MUSK: variants seen among roughly 807,000 people sequenced by gnomAD.
MUSK encodes muscle, skeletal receptor tyrosine-protein kinase.
In MUSK, 55 loss-of-function variants were observed where a neutral mutation model predicts 88.7. The ratio of observed to expected loss-of-function variants is 0.62; its 90% CI spans 0.50 to 0.78. The LOEUF (loss-of-function observed/expected upper bound fraction) is 0.78. Ranked by LOEUF, MUSK falls within the 30% of genes least tolerant of loss-of-function variation. The probability of loss-of-function intolerance (pLI) is 0.00; values close to 1 mark genes in which losing one functional copy is unlikely to be tolerated. For missense variants in MUSK, 1,015 were observed against 1,074.3 expected (o/e 0.94, Z 0.77); for synonymous variants, 387 against 391.9 (o/e 0.99, Z 0.15).
In MUSK at chr9:110,690,476, A is replaced by G. The variant is rs1411625606; in HGVS notation, c.358+3208A>G. Among the ~76,000 whole-genome samples, 651 of 92,844 alleles carry G rather than the reference A, an allele frequency of 7.0e-3. 41 individuals carry two copies. Among genetic ancestry groups the G allele is most frequent in the East Asian group, 0.025 (78 of 3,104 alleles). 60.9% of individuals were successfully genotyped at this position (92,844 alleles called of 152,430 possible). ...AATATATATTTAAATATAAGTATAT[A>G]TATAAATATATATTTAAATATAAGT... On this transcript the variant is annotated intron_variant, in intron 3 of 14. Coordinates refer to ENST00000374448, the MANE Select transcript of MUSK (RefSeq NM_005592.4).
At chr9:110,680,860 G>C (rs555388021) in intron 1 of MUSK, among the ~76,000 whole-genome samples, 1 of 142,244 alleles carries the variant, frequency 7.0e-6, no homozygotes, top group African/African-American at 2.6e-5. Context: ...ATTAGTGCCT[G>C]TCACTGTATA....
At chr9:110,741,230 A>C (rs185930806) in intron 6 of MUSK, among the ~76,000 whole-genome samples, 45 of 152,264 alleles carry the variant, frequency 3.0e-4, no homozygotes, top group African/African-American at 1.0e-3. Context: ...ATCTCAAAAC[A>C]TCACCTTGTT....
Position 110,800,746 on chromosome 9 carries a change from G to A in MUSK, c.2368G>A (p.Val790Met), listed in dbSNP as rs199476083. The A allele has an allele frequency of 1.3e-4, 203 of 1,613,878 alleles. No individual in the cohort carries two copies. The highest frequency in any genetic ancestry group is 5.3e-4 in the Admixed American group (32 of 60,008). Reference sequence around the variant, plus strand: ...AGAGTCTGATGTGTGGGCCTATGGCGTGGTCCTCTGGGAGATCTTCTCCTA... The same window carrying A: ...AGAGTCTGATGTGTGGGCCTATGGCATGGTCCTCTGGGAGATCTTCTCCTA... ...TTESDVWAYG[V>M]VLWEIFSYGL... is the part of the protein sequence containing the mutation. The change falls in exon 15 of 15, where the codon GTG becomes ATG. Residue 790 changes from valine (V) to methionine (M), a missense_variant. Transcript: ENST00000374448.
chr9:110,762,211 A>C lies in MUSK; in HGVS notation c.920+3A>C. The C allele has an allele frequency of 3.5e-6, 5 of 1,437,854 alleles. No individual in the cohort carries two copies. Among genetic ancestry groups the C allele is most frequent in the Non-Finnish European group, 4.6e-6 (5 of 1,092,654 alleles). The allele number at this position is 1,437,854 out of a possible 1,614,324, so 89.1% of individuals were successfully genotyped here. A position where few individuals can be genotyped will look rare whatever the true frequency, so the allele number is the denominator to read the frequency against. On this transcript the variant is annotated splice_donor_region_variant and intron_variant, in intron 8 of 14. Transcript: ENST00000374448. ...CCTTTCCTGTTAATAGAATGGAGGT[A>C]AGAAACTGTTATTGTAACAATTGTT...
chr9:110,787,670 T>C lies in MUSK; in HGVS notation c.1779-20T>C, dbSNP rs777004488. On this transcript the variant is annotated intron_variant, in intron 13 of 14. Transcript: ENST00000374448. ...ATGTCCATGATCTTTGGTTTCTTTT[T>C]CAATAAATGTATCTCTCAGGGCACC... is the stretch of plus-strand genomic sequence containing the variant. The C allele has an allele frequency of 5.0e-5, 80 of 1,608,314 alleles. No homozygotes were observed. Among genetic ancestry groups the C allele is most frequent in the Admixed American group, 1.5e-4 (9 of 58,942 alleles).
chr9:110,738,224 C>T (rs2077053137), intron 6 of MUSK, among the ~76,000 whole-genome samples: 1 of 151,994 alleles, frequency 6.6e-6, no homozygotes, highest in African/African-American at 2.4e-5. Context: ...GATTATAATA[C>T]CATCTTTCTA....
rs1276809285 is a variant in MUSK, at chr9:110,734,355, T to C, written c.733T>C (p.Trp245Arg). The C allele has an allele frequency of 6.2e-7, 1 of 1,613,056 alleles. No homozygotes were observed. The highest frequency in any genetic ancestry group is 8.5e-7 in the Non-Finnish European group (1 of 1,179,404). Residue 245 changes from tryptophan (W) to arginine (R), a missense_variant, in exon 6 of 15, where the codon TGG (tryptophan) becomes CGG (arginine). Trp to Arg is a moderately radical substitution (Grantham distance 101, BLOSUM62 -3). Transcript: ENST00000374448. ...ATGIPVPTIT[W>R]IENGNAVSSG... ...AGGCATTCCTGTCCCCACCATCACC[T>C]GGATTGAAAACGGAAATGCTGTGAG... is the stretch of plus-strand genomic sequence containing the variant.
At chr9:110,740,256 A>G (rs1460499700) in intron 6 of MUSK, among the ~76,000 whole-genome samples, 1 of 152,112 alleles carries the variant, frequency 6.6e-6, no homozygotes, top group East Asian at 1.9e-4. Flanking sequence ...GGGTGTCTTA[A>G]AAAACAGAAT....
At chr9:110,718,848 C>G (rs1422690238) in intron 5 of MUSK, among the ~76,000 whole-genome samples, 1 of 152,026 alleles carries the variant, frequency 6.6e-6, no homozygotes, top group Non-Finnish European at 1.5e-5. Flanking sequence ...CATCAGGCAT[C>G]TTATAAAGGA....
chr9:110,689,311 A>G (rs1265079489), intron 3 of MUSK, among the ~76,000 whole-genome samples: 1 of 116,998 alleles, frequency 8.5e-6, no homozygotes, highest in Non-Finnish European at 1.6e-5. Context: ...ATTTATATTT[A>G]AATATATATT....
In MUSK at chr9:110,668,844, T is replaced by G; in HGVS notation, c.-61T>G. On this transcript the variant is annotated 5_prime_UTR_variant, in exon 1 of 15. Coordinates refer to ENST00000374448, the MANE Select transcript of MUSK (RefSeq NM_005592.4). The stretch of plus-strand genomic sequence containing the variant: ...AAAGTATGCTTTAAAATGTAAACTG[T>G]GGAGCCATTTTCCTTGCGTTGTCCA... 1 of 1,313,950 alleles carries G rather than the reference T, an allele frequency of 7.6e-7. No homozygotes were observed. The highest frequency in any genetic ancestry group is 1.1e-6 in the Non-Finnish European group (1 of 908,160). 81.4% of individuals were successfully genotyped at this position (1,313,950 alleles called of 1,614,324 possible).
At chr9:110,725,676 G>C (rs1445501287) in intron 5 of MUSK, among the ~76,000 whole-genome samples, 2 of 151,962 alleles carry the variant, frequency 1.3e-5, no homozygotes, top group Non-Finnish European at 2.9e-5. Context: ...TTCTACAAGA[G>C]ACTGTGCTGG....
In MUSK at chr9:110,718,959, C is replaced by T. The variant is rs182560969; in HGVS notation, c.629-15292C>T. ...CTCCTAAAACAAAGCAATTATCAGC[C>T]AAGAATTTTGTATCCAGTAAAACTA... On this transcript the variant is annotated intron_variant, in intron 5 of 14. Coordinates refer to ENST00000374448, the MANE Select transcript of MUSK (RefSeq NM_005592.4). Among the ~76,000 whole-genome samples the T allele has an allele frequency of 1.2e-3, 189 of 152,122 alleles. 1 individual carries two copies. The highest frequency in any genetic ancestry group is 4.4e-3 in the African/African-American group (182 of 41,530).
chr9:110,754,969 A>T (rs2077292840), intron 7 of MUSK, among the ~76,000 whole-genome samples: 1 of 152,198 alleles, frequency 6.6e-6, no homozygotes, highest in Non-Finnish European at 1.5e-5. Context: ...CATTGGCATC[A>T]CCTCTTAGAT....
chr9:110,701,658 TTTATTTATTTTA>T lies in MUSK; in HGVS notation c.628+4195_628+4206del, dbSNP rs1564229846. ...TGCACTACTGTGCTCAGCTATTTAT[TTTATTTATTTTA>T]TTTTATTTTTTTTACTTTACTTTAT... On this transcript the variant is annotated intron_variant, in intron 5 of 14. Transcript: ENST00000374448. Among the ~76,000 whole-genome samples the T allele has an allele frequency of 6.5e-5, 2 of 30,672 alleles. 1 individual carries two copies. The highest frequency in any genetic ancestry group is 1.2e-4 in the Non-Finnish European group (2 of 17,078). 20.1% of individuals were successfully genotyped at this position (30,672 alleles called of 152,430 possible).
In MUSK at chr9:110,790,843, G is replaced by C. The variant is rs145825469; in HGVS notation, c.1927+3005G>C. Among the ~76,000 whole-genome samples the C allele has an allele frequency of 2.0e-5, 3 of 152,260 alleles. No individual in the cohort carries two copies. The East Asian group carries it at 5.8e-4, about 29-fold the overall frequency. On this transcript the variant is annotated intron_variant, in intron 14 of 14. Coordinates refer to ENST00000374448, the MANE Select transcript of MUSK (RefSeq NM_005592.4). ...GAGATTACACATTTAACATGAGACT[G>C]GTCAGCATGGTTGTGTATTTATCCA...
At chr9:110,744,668 A>G (rs944185646) in intron 6 of MUSK, among the ~76,000 whole-genome samples, 25 of 152,224 alleles carry the variant, frequency 1.6e-4, no homozygotes, top group African/African-American at 5.8e-4. Flanking sequence ...AATGATTACT[A>G]TAGTCAAGCA....
intron 1 of MUSK, among the ~76,000 whole-genome samples, chr9:110,678,430 C>T (rs559725958): frequency 6.6e-6 from 1 of 152,254 alleles, no homozygotes; most frequent in Non-Finnish European, 1.5e-5. Flanking sequence ...AGGTATGAGC[C>T]ACTGCACCTG....
At chr9:110,781,332 A>G (rs2077752688) in intron 11 of MUSK, among the ~76,000 whole-genome samples, 1 of 152,120 alleles carries the variant, frequency 6.6e-6, no homozygotes, top group South Asian at 2.1e-4. Flanking sequence ...GCTGGAGTGC[A>G]GTGGCACAAT....
Sources: allele counts gnomAD v4.1 joint callset (sites outside exome capture counted in the v4.1 genomes callset), GRCh38; gene constraint gnomAD v4.1.1; transcripts MANE v1.5; gene names NCBI Gene and HGNC (gene_info 2026-07-23, HGNC 2026-07-21).